COL21A1: variants seen among roughly 807,000 people sequenced by gnomAD.
The protein encoded by COL21A1 is collagen type XXI alpha 1 chain.
COL21A1 carries 149 observed loss-of-function variants against 137.9 expected under a neutral mutation model. The ratio of observed to expected loss-of-function variants is 1.08; its 90% CI spans 0.95 to 1.24. COL21A1 has a LOEUF of 1.24. Ranked by LOEUF, COL21A1 falls within the 50% of genes most tolerant of loss-of-function variation. The pLI, the probability that COL21A1 is intolerant of heterozygous loss-of-function variation, is 0.00. For synonymous variants in COL21A1, 456 were observed against 391.5 expected, an observed-to-expected ratio of 1.16 and a Z score of -1.95; for missense variants, 1,167 against 1,158.4, an observed-to-expected ratio of 1.01 and a Z score of -0.11.
At chr6:56,123,423 A>G (rs62412812) in intron 16 of COL21A1, among the ~76,000 whole-genome samples, 22,797 of 152,072 alleles carry the variant, frequency 0.15, 1,754 homozygotes, top group Middle Eastern at 0.22. Context: ...AGAAAATTTG[A>G]ACTGAATTTC....
intron 24 of COL21A1, among the ~76,000 whole-genome samples, chr6:56,062,742 A>G (rs1765915733): frequency 6.6e-6 from 1 of 152,148 alleles, no homozygotes; most frequent in African/African-American, 2.4e-5. Flanking sequence ...AGTAAGTAAA[A>G]CAAACTTTGT....
intron 1 of COL21A1, among the ~76,000 whole-genome samples, chr6:56,370,693 A>G (rs551453500): frequency 2.0e-5 from 3 of 152,196 alleles, no homozygotes; most frequent in Non-Finnish European, 4.4e-5. Flanking sequence ...TTGTAGCATA[A>G]TATTCTGAAC....
At chr6:56,141,521 C>T (rs1260689330) in intron 12 of COL21A1, among the ~76,000 whole-genome samples, 2 of 152,170 alleles carry the variant, frequency 1.3e-5, no homozygotes, top group African/African-American at 4.8e-5. Flanking sequence ...GAAGGTAACT[C>T]CCTGTGGAGC....
At chr6:56,084,181 T>G (rs1410073009) in intron 17 of COL21A1, among the ~76,000 whole-genome samples, 1 of 151,464 alleles carries the variant, frequency 6.6e-6, no homozygotes, top group African/African-American at 2.4e-5. Context: ...TAGGGATATA[T>G]CCCTTGGGGA....
At chr6:56,380,450 T>C (rs1581792949) in intron 1 of COL21A1, among the ~76,000 whole-genome samples, 1 of 152,242 alleles carries the variant, frequency 6.6e-6, no homozygotes, top group African/African-American at 2.4e-5. Context: ...TTGTAAACCC[T>C]TTAAATATAA....
intron 17 of COL21A1, among the ~76,000 whole-genome samples, chr6:56,079,761 T>G (rs62404865): frequency 0.15 from 23,001 of 151,580 alleles, 1,771 homozygotes; most frequent in Middle Eastern, 0.22. Context: ...GGCCAAAAAT[T>G]TACATACATT....
chr6:56,217,469 T>C (rs923791808), intron 1 of COL21A1, among the ~76,000 whole-genome samples: 1 of 151,950 alleles, frequency 6.6e-6, no homozygotes, highest in Non-Finnish European at 1.5e-5. Context: ...TCCCTATAAA[T>C]AGAAAAATAA....
chr6:56,391,058 C>T (rs114454376), intron 1 of COL21A1, among the ~76,000 whole-genome samples: 3,013 of 152,168 alleles, frequency 0.02, 91 homozygotes, highest in African/African-American at 0.067. Flanking sequence ...CAAGGATAGA[C>T]CATATGGTAG....
chr6:56,216,433 C>A (rs1358173046), intron 1 of COL21A1, among the ~76,000 whole-genome samples: 1 of 152,062 alleles, frequency 6.6e-6, no homozygotes, highest in Admixed American at 6.6e-5. Context: ...TCTGCTCACA[C>A]ACGCCTAACT....
chr6:56,180,842 T>C (rs1777837415), intron 2 of COL21A1, among the ~76,000 whole-genome samples: 1 of 152,244 alleles, frequency 6.6e-6, no homozygotes, highest in Non-Finnish European at 1.5e-5. Flanking sequence ...GCTGTTCTTT[T>C]CTGCGCATTC....
intron 6 of COL21A1, among the ~76,000 whole-genome samples, chr6:56,167,634 G>A (rs1009364844): frequency 6.6e-6 from 1 of 152,106 alleles, no homozygotes; most frequent in Non-Finnish European, 1.5e-5. Context: ...CCAGTTTAAG[G>A]AGGTATCAAA....
chr6:56,177,041 AAGT>A (rs1333946157), intron 3 of COL21A1, among the ~76,000 whole-genome samples: 1 of 151,418 alleles, frequency 6.6e-6, no homozygotes. Context: ...GAGGAGGAGG[AAGT>A]AGTAGTAGAA....
chr6:56,266,185 C>T (rs185397292), intron 1 of COL21A1, among the ~76,000 whole-genome samples: 25 of 152,192 alleles, frequency 1.6e-4, no homozygotes, highest in East Asian at 3.9e-4. Flanking sequence ...TTCTTCCCAC[C>T]GAAAATCAAA....
At chr6:56,377,412 T>G (rs1489969796) in intron 1 of COL21A1, among the ~76,000 whole-genome samples, 1 of 152,206 alleles carries the variant, frequency 6.6e-6, no homozygotes, top group East Asian at 1.9e-4. Context: ...GGCATTTCAG[T>G]GCTCTGGGAG....
In COL21A1 at chr6:56,359,646, G is replaced by A. The variant is rs1242478736; in HGVS notation, c.-39+34325C>T. 4.6e-5 allele frequency among the ~76,000 whole-genome samples: 7 copies of A among 152,056 alleles called. No individual in the cohort carries two copies. The East Asian group carries it at 9.6e-4, about 21-fold the overall frequency. On this transcript the variant is annotated intron_variant, in intron 1 of 28. Coordinates refer to the COL21A1 transcript ENST00000370819. ...AGCACATGCACAAATTTATCTTTAC[G>A]AGTAATGTACCCATTTTTCAGTCAT...
chr6:56,081,566 CT>C (rs1767771471), intron 17 of COL21A1, among the ~76,000 whole-genome samples: 1 of 151,686 alleles, frequency 6.6e-6, no homozygotes, highest in African/African-American at 2.4e-5. Context: ...TCCACAGTAA[CT>C]GGCAGGCCAT....
chr6:56,179,839 G>T lies in COL21A1; in HGVS notation c.379C>A (p.Leu127Ile). The change falls in exon 3 of 30, where the codon CTT becomes ATT. Residue 127 changes from leucine (L) to isoleucine (I), a missense_variant. By Grantham distance (5) the Leu-to-Ile change is conservative. Coordinates refer to ENST00000244728, the MANE Select transcript of COL21A1 (RefSeq NM_030820.4). Reference protein sequence around the residue: ...GKAIQFALDYLFAKSSRFLTK... With the variant: ...GKAIQFALDYIFAKSSRFLTK... Reference sequence around the variant, plus strand: ...AGAAATCGTGAGGACTTGGCAAAAAGGTAATCGAGCGCAAACTGGATGGCC... The same window carrying T: ...AGAAATCGTGAGGACTTGGCAAAAATGTAATCGAGCGCAAACTGGATGGCC... The T allele has an allele frequency of 1.2e-6, 2 of 1,613,930 alleles. No individual in the cohort carries two copies. Among genetic ancestry groups the T allele is most frequent in the Non-Finnish European group, 1.7e-6 (2 of 1,179,870 alleles).
In COL21A1 at chr6:56,212,150, C is replaced by T. The variant is rs536390032; in HGVS notation, c.-38-29494G>A. On this transcript the variant is annotated intron_variant, in intron 1 of 29. Coordinates refer to ENST00000244728, the MANE Select transcript of COL21A1 (RefSeq NM_030820.4). ...TTATATTCAAATTGTATATGTAATACAATAGAGGGTTTCCTAGAAATGCAT... is the reference window on the plus strand; with the variant it reads ...TTATATTCAAATTGTATATGTAATATAATAGAGGGTTTCCTAGAAATGCAT... Among the ~76,000 whole-genome samples the T allele has an allele frequency of 7.2e-5, 11 of 152,106 alleles. No individual in the cohort carries two copies. The South Asian group carries it at 1.4e-3, about 20-fold the overall frequency.
chr6:56,187,771 TG>T (rs1264837115), intron 1 of COL21A1, among the ~76,000 whole-genome samples: 1 of 152,180 alleles, frequency 6.6e-6, no homozygotes, highest in East Asian at 1.9e-4. Context: ...TGGATTAAGA[TG>T]AATATTTCTC....
Sources: allele counts gnomAD v4.1 joint callset (sites outside exome capture counted in the v4.1 genomes callset), GRCh38; gene constraint gnomAD v4.1.1; transcripts MANE v1.5; gene names NCBI Gene and HGNC (gene_info 2026-07-23, HGNC 2026-07-21).